Variants in GPCPD1 observed in about 807,000 individuals in gnomAD.
GPCPD1 encodes glycerophosphocholine phosphodiesterase 1, also known as glycerophosphocholine phosphodiesterase GPCPD1.
A neutral mutation model predicts 89.2 loss-of-function variants in GPCPD1; 29 were observed. The ratio of observed to expected loss-of-function variants is 0.33; its 90% CI spans 0.24 to 0.44. The LOEUF is 0.44. GPCPD1 is among the 20% of genes least tolerant of loss of function. GPCPD1 has a pLI of 1.00. For missense variants in GPCPD1, 594 were observed against 808.9 expected, an observed-to-expected ratio of 0.73 and a Z score of 3.22; for synonymous variants, 258 against 266.3, an observed-to-expected ratio of 0.97 and a Z score of 0.30.
intron 3 of GPCPD1, among the ~76,000 whole-genome samples, chr20:5,597,136 T>G (rs1023186599): frequency 6.6e-6 from 1 of 152,194 alleles, no homozygotes; most frequent in African/African-American, 2.4e-5. Context: ...TATATACTAT[T>G]AAAGTAATAC....
intron 16 of GPCPD1, among the ~76,000 whole-genome samples, chr20:5,560,376 A>G (rs1408572611): frequency 6.6e-6 from 1 of 152,238 alleles, no homozygotes; most frequent in Non-Finnish European, 1.5e-5. Flanking sequence ...CTAAAACTCT[A>G]GAATTTTGCA....
At chr20:5,574,412 AG>A (rs1370298711) in intron 10 of GPCPD1, among the ~76,000 whole-genome samples, 1 of 152,164 alleles carries the variant, frequency 6.6e-6, no homozygotes, top group Non-Finnish European at 1.5e-5. Context: ...ATTCATAATA[AG>A]AACAGAAAGG....
chr20:5,549,261 T>G, intron 19 of GPCPD1: 2 of 823,194 alleles, frequency 2.4e-6, no homozygotes, highest in Non-Finnish European at 4.1e-6. Context: ...TTTTGATGAC[T>G]CAGTGATGAT....
intron 17 of GPCPD1, 106 bp from the exon 18 acceptor site, chr20:5,558,925 G>T: frequency 1.2e-6 from 1 of 801,276 alleles, no homozygotes; most frequent in Non-Finnish European, 1.9e-6. Context: ...AAACGAGGCC[G>T]GGCATGGTGG....
chr20:5,586,016 G>C (rs1978896120), intron 5 of GPCPD1, 178 bp downstream of exon 5: 2 of 432,480 alleles, frequency 4.6e-6, no homozygotes, highest in Non-Finnish European at 8.3e-6. Flanking sequence ...TTTATTTTAA[G>C]AGGCAATTAA....
rs776239446 is a variant in GPCPD1 at position 5,558,700 on chromosome 20, T to C, written c.1652A>G (p.Gln551Arg). Residue 551 changes from glutamine to arginine, a missense_variant, in exon 18 of 20, where the codon CAG becomes CGG. Transcript: ENST00000379019. ...RTTPIAMSFA[Q>R]FENLLGINVH... Reference sequence around the variant, plus strand: ...ATAACTTACCAGTAGATTTTCAAACTGTGCAAAGCTCATTGCAATGGGGGT... The same window carrying C: ...ATAACTTACCAGTAGATTTTCAAACCGTGCAAAGCTCATTGCAATGGGGGT... The C allele has an allele frequency of 5.1e-6, 8 of 1,568,782 alleles. No individual in the cohort carries two copies. The Admixed American group carries it at 1.4e-4, about 27-fold the overall frequency.
At chr20:5,592,012 C>T (rs889570088) in intron 4 of GPCPD1, among the ~76,000 whole-genome samples, 1 of 152,090 alleles carries the variant, frequency 6.6e-6, no homozygotes, top group African/African-American at 2.4e-5. Context: ...TTGGACTGAT[C>T]TGCTGCTTTT....
In GPCPD1 at chr20:5,575,555, GA is replaced by G; in HGVS notation, c.869-11del. 6 of 1,525,404 alleles carry G rather than the reference GA, an allele frequency of 3.9e-6. No homozygotes were observed. Among genetic ancestry groups the G allele is most frequent in the Non-Finnish European group, 2.7e-6 (3 of 1,114,304 alleles). The allele number at this position is 1,525,404 out of a possible 1,614,324, so 94.5% of individuals were successfully genotyped here. ...ATAATTATATAGTCAACTTTCATAG[GA>G]AAAAAGAGGGAGGAACAAAAATAAA... On this transcript the variant is annotated splice_polypyrimidine_tract_variant and intron_variant, in intron 9 of 19. Transcript: ENST00000379019.
chr20:5,591,451 T>C (rs1979321547), intron 4 of GPCPD1, among the ~76,000 whole-genome samples: 1 of 152,214 alleles, frequency 6.6e-6, no homozygotes, highest in Admixed American at 6.5e-5. Context: ...TTGTCCATAA[T>C]CGCAAAACTT....
intron 11 of GPCPD1, among the ~76,000 whole-genome samples, chr20:5,572,823 G>A (rs1986797719): frequency 6.6e-6 from 1 of 151,142 alleles, no homozygotes; most frequent in Non-Finnish European, 1.5e-5. Flanking sequence ...AAAATAAGGA[G>A]TTAAGGAAGA....
chr20:5,574,353 G>T (rs532370833), intron 10 of GPCPD1, among the ~76,000 whole-genome samples: 27 of 152,220 alleles, frequency 1.8e-4, no homozygotes, highest in African/African-American at 6.3e-4. Flanking sequence ...AGACTGTGGG[G>T]GAATGAGAAA....
chr20:5,583,002 A>C (rs551289302), intron 6 of GPCPD1, among the ~76,000 whole-genome samples: 1 of 152,150 alleles, frequency 6.6e-6, no homozygotes, highest in South Asian at 2.1e-4. Flanking sequence ...TGAGAGGCTG[A>C]GGCAGGAGGA....
chr20:5,599,172 T>G lies in GPCPD1; in HGVS notation c.50-351A>C, dbSNP rs550952819. Among the ~76,000 whole-genome samples the G allele has an allele frequency of 6.6e-5, 10 of 152,268 alleles. No homozygotes were observed. The South Asian group carries it at 1.9e-3, about 28-fold the overall frequency. The stretch of plus-strand genomic sequence containing the variant: ...GCTTCCAATTTTAACAGACAAACAC[T>G]AAATGCCTATCAGTACTCTAAAGGG... On this transcript the variant is annotated intron_variant, in intron 2 of 19. Coordinates refer to ENST00000379019, the MANE Select transcript of GPCPD1 (RefSeq NM_019593.5).
chr20:5,583,002 A>G lies in GPCPD1; in HGVS notation c.349+1279T>C, dbSNP rs551289302. 3.9e-5 allele frequency among the ~76,000 whole-genome samples: 6 copies of G among 152,264 alleles called. No homozygotes were observed. The South Asian group carries it at 1.2e-3, about 32-fold the overall frequency. The stretch of plus-strand genomic sequence containing the variant: ...GTAATCCCAGCACTTTGAGAGGCTG[A>G]GGCAGGAGGATCACCTGAAGTCGGG... On this transcript the variant is annotated intron_variant, in intron 6 of 19. Coordinates refer to ENST00000379019, the MANE Select transcript of GPCPD1 (RefSeq NM_019593.5).
At chr20:5,570,662 G>T (rs182768746) in intron 11 of GPCPD1, among the ~76,000 whole-genome samples, 1 of 152,268 alleles carries the variant, frequency 6.6e-6, no homozygotes, top group East Asian at 1.9e-4. Flanking sequence ...GCTGCAAAGT[G>T]CCTTAGCTCG....
chr20:5,553,899 A>G (rs1424494732), intron 19 of GPCPD1, among the ~76,000 whole-genome samples: 1 of 140,866 alleles, frequency 7.1e-6, no homozygotes, highest in Non-Finnish European at 1.5e-5. Context: ...CTGATGGAGA[A>G]GCTGCAGTTA....
chr20:5,606,396 T>G (rs1352469846), intron 1 of GPCPD1, among the ~76,000 whole-genome samples: 1 of 152,194 alleles, frequency 6.6e-6, no homozygotes, highest in Non-Finnish European at 1.5e-5. Flanking sequence ...CATTTATATA[T>G]TACCTTATGA....
chr20:5,565,435 C>T (rs2122605970), intron 14 of GPCPD1, among the ~76,000 whole-genome samples: 1 of 151,992 alleles, frequency 6.6e-6, no homozygotes, highest in Non-Finnish European at 1.5e-5. Context: ...GGTCTAGTTG[C>T]TCAGGCTGAT....
At chr20:5,577,857 TAAGTATCACATGTAGCTCCAGA>T (rs1382218675) in intron 8 of GPCPD1, among the ~76,000 whole-genome samples, 1 of 152,214 alleles carries the variant, frequency 6.6e-6, no homozygotes, top group Non-Finnish European at 1.5e-5. Flanking sequence ...AGCACTAGTG[TAAGTATCACATGTAGCTCCAGA>T]AAGTTAGCAG....
Sources: allele counts gnomAD v4.1 joint callset (sites outside exome capture counted in the v4.1 genomes callset), GRCh38; gene constraint gnomAD v4.1.1; transcripts MANE v1.5; gene names NCBI Gene and HGNC (gene_info 2026-07-23, HGNC 2026-07-21).